The following METAP1D variants were observed in gnomAD, a reference collection of about 807,000 sequenced individuals.
METAP1D encodes methionine aminopeptidase 1D, mitochondrial.
METAP1D carries 31 observed loss-of-function variants against 40.5 expected under a neutral mutation model. The ratio of observed to expected loss-of-function variants is 0.77; its 90% confidence interval spans 0.58 to 1.03. METAP1D has a LOEUF of 1.03. Among genes scored for constraint, METAP1D ranks in the 50% least tolerant of loss-of-function variants. METAP1D has a pLI of 0.00. For missense variants in METAP1D, 411 were observed against 420.7 expected (o/e 0.98, Z 0.20); for synonymous variants, 151 against 146.4 (o/e 1.03, Z -0.22).
rs181477010 is a variant in METAP1D at position 172,068,400 on chromosome 2, T to A, written c.540+2094T>A. Among the ~76,000 whole-genome samples, 1,403 of 151,768 alleles carry A rather than the reference T, an allele frequency of 9.2e-3. 21 individuals carry two copies. The highest frequency in any genetic ancestry group is 0.031 in the African/African-American group (1,299 of 41,374). ...CAGAGCGAGACTCTGTCTCAAAAAA[T>A]AAATAAATAAATAAATGAAGTACAA... On this transcript the variant is annotated intron_variant, in intron 5 of 9. Transcript: ENST00000315796.
At position 172,039,981 on chromosome 2, in the gene METAP1D, T is replaced by G. The variant is rs550451028; in HGVS notation, c.41-21517T>G. On this transcript the variant is annotated intron_variant, in intron 1 of 9. Coordinates refer to ENST00000315796, the MANE Select transcript of METAP1D (RefSeq NM_199227.3). ...TGAGCCACTGCACCCAGCCAAAACT[T>G]TTTTTTGTTTTATTTTGTTTTGAGA... Among the ~76,000 whole-genome samples the G allele has an allele frequency of 2.4e-3, 359 of 147,362 alleles. 1 individual carries two copies. Among genetic ancestry groups the G allele is most frequent in the African/African-American group, 8.7e-3 (343 of 39,524 alleles).
intron 6 of METAP1D, among the ~76,000 whole-genome samples, chr2:172,076,073 A>G (rs1021180293): frequency 5.3e-5 from 8 of 152,124 alleles, no homozygotes; most frequent in Admixed American, 2.0e-4. Flanking sequence ...GTGTTTTTTC[A>G]GAGTGGGCTT....
In METAP1D at chr2:172,065,692, G is replaced by C; in HGVS notation, c.437G>C (p.Gly146Ala). The C allele has an allele frequency of 6.2e-7, 1 of 1,613,984 alleles. No homozygotes were observed. Among genetic ancestry groups the C allele is most frequent in the Non-Finnish European group, 8.5e-7 (1 of 1,179,938 alleles). ...NAYPSPLGYGGFPKSVCTSVN... is the reference protein window; with the variant it reads ...NAYPSPLGYGAFPKSVCTSVN... Reference sequence around the variant, plus strand: ...TATCCCTCACCTCTAGGCTATGGAGGTTTTCCAAAATCTGTTTGTACCTCT... The same window carrying C: ...TATCCCTCACCTCTAGGCTATGGAGCTTTTCCAAAATCTGTTTGTACCTCT... The change falls in exon 4 of 10, where the codon GGT (glycine) becomes GCT (alanine). Residue 146 changes from glycine to alanine, a missense_variant. By Grantham distance (60) the Gly-to-Ala change is moderately conservative. Transcript: ENST00000315796.
At chr2:172,077,367 A>G (rs1444351878) in intron 6 of METAP1D, among the ~76,000 whole-genome samples, 1 of 152,236 alleles carries the variant, frequency 6.6e-6, no homozygotes, top group African/African-American at 2.4e-5. Context: ...TTTGTTTTAT[A>G]TTTGGTTCCC....
intron 1 of METAP1D, among the ~76,000 whole-genome samples, chr2:172,035,326 G>A (rs1358388842): frequency 1.3e-5 from 2 of 151,968 alleles, no homozygotes; most frequent in Non-Finnish European, 2.9e-5. Context: ...CACCACGCCC[G>A]GCTAACTTTT....
intron 1 of METAP1D, among the ~76,000 whole-genome samples, chr2:172,029,501 G>A (rs1441656283): frequency 6.6e-6 from 1 of 152,134 alleles, no homozygotes; most frequent in Non-Finnish European, 1.5e-5. Context: ...GCACATTTTA[G>A]TTCTTGCCCA....
intron 1 of METAP1D, among the ~76,000 whole-genome samples, chr2:172,060,457 G>GC (rs1690113973): frequency 6.7e-6 from 1 of 149,454 alleles, no homozygotes; most frequent in Admixed American, 6.7e-5. Context: ...TCTACCTCTA[G>GC]CCCCAACCAC....
chr2:172,001,929 C>G (rs1416145565), intron 1 of METAP1D, among the ~76,000 whole-genome samples: 2 of 151,758 alleles, frequency 1.3e-5, no homozygotes, highest in Non-Finnish European at 2.9e-5. Context: ...AAACCTGTCT[C>G]TACTAAAAAT....
At chr2:172,076,816 A>G (rs1291652963) in intron 6 of METAP1D, among the ~76,000 whole-genome samples, 1 of 152,282 alleles carries the variant, frequency 6.6e-6, no homozygotes. Flanking sequence ...TTGAAATAGT[A>G]GTCCTGTAAA....
chr2:172,063,517 A>C (rs919168895), intron 2 of METAP1D, among the ~76,000 whole-genome samples, 194 bp from the exon 3 acceptor site: 8 of 152,220 alleles, frequency 5.3e-5, no homozygotes, highest in African/African-American at 1.7e-4. Flanking sequence ...AGGCAGCACT[A>C]ACAGGCAATG....
At chr2:172,024,394 A>G (rs1033559645) in intron 1 of METAP1D, among the ~76,000 whole-genome samples, 2 of 152,132 alleles carry the variant, frequency 1.3e-5, no homozygotes, top group African/African-American at 4.8e-5. Flanking sequence ...TACTTTCTCT[A>G]GTTACCTGCT....
chr2:172,055,809 A>G (rs1362657248), intron 1 of METAP1D, among the ~76,000 whole-genome samples: 1 of 152,216 alleles, frequency 6.6e-6, no homozygotes. Context: ...GTGTAGAACC[A>G]TAATTGTCAA....
chr2:172,068,076 T>G (rs1376634311), intron 5 of METAP1D, among the ~76,000 whole-genome samples: 3 of 152,162 alleles, frequency 2.0e-5, no homozygotes, highest in Admixed American at 2.0e-4. Context: ...AGTTGCTCAA[T>G]AAATATTTGT....
intron 1 of METAP1D, among the ~76,000 whole-genome samples, chr2:172,056,886 C>A (rs989591808): frequency 6.6e-6 from 1 of 152,222 alleles, no homozygotes; most frequent in Non-Finnish European, 1.5e-5. Context: ...TGCCTCCCAA[C>A]TGGATCATTT....
chr2:172,016,318 TATATATATATATAA>T (rs1233645869), intron 1 of METAP1D, among the ~76,000 whole-genome samples: 5 of 99,444 alleles, frequency 5.0e-5, no homozygotes, highest in East Asian at 2.3e-4. Flanking sequence ...TATATATATA[TATATATATATATAA>T]ATAGTCCAGG....
intron 1 of METAP1D, among the ~76,000 whole-genome samples, chr2:172,045,840 T>TAC (rs1559010504): frequency 1.0e-5 from 1 of 99,120 alleles, no homozygotes; most frequent in African/African-American, 4.1e-5. Flanking sequence ...TATATATATA[T>TAC]ATATATATAT....
chr2:172,045,811 GTGTGTGTGTATATATATATATATA>G (rs1453771014), intron 1 of METAP1D, among the ~76,000 whole-genome samples: 11 of 51,718 alleles, frequency 2.1e-4, no homozygotes, highest in South Asian at 7.4e-4. Context: ...GTGTGTGTGT[GTGTGTGTGTATATATATATATATA>G]TATATATATA....
At chr2:172,059,362 A>AT (rs939820215) in intron 1 of METAP1D, among the ~76,000 whole-genome samples, 14 of 152,180 alleles carry the variant, frequency 9.2e-5, no homozygotes, top group African/African-American at 3.4e-4. Flanking sequence ...ATGTGACATT[A>AT]TACTGCTGGT....
rs761446454 is a variant in METAP1D, at chr2:172,080,113, T to A, written c.851-15T>A. 4 of 1,608,238 alleles carry A rather than the reference T, an allele frequency of 2.5e-6. No homozygotes were observed. Among genetic ancestry groups the A allele is most frequent in the Non-Finnish European group, 3.4e-6 (4 of 1,175,552 alleles). ...TCTGATGAGGTCACTGCAGTAAATATTTTTCCTCTTACAGAGCCAATCATC... is the reference window on the plus strand; with the variant it reads ...TCTGATGAGGTCACTGCAGTAAATAATTTTCCTCTTACAGAGCCAATCATC... On this transcript the variant is annotated splice_polypyrimidine_tract_variant and intron_variant, in intron 8 of 9. Transcript: ENST00000315796.
Sources: allele counts gnomAD v4.1 joint callset (sites outside exome capture counted in the v4.1 genomes callset), GRCh38; gene constraint gnomAD v4.1.1; transcripts MANE v1.5; gene names NCBI Gene and HGNC (gene_info 2026-07-23, HGNC 2026-07-21).